Variants in OR6C1 observed in about 807,000 individuals in gnomAD.
OR6C1 encodes the protein olfactory receptor family 6 subfamily C member 1.
For missense variants in OR6C1, 386 were observed against 366.1 expected (o/e 1.05, Z -0.44); for synonymous variants, 157 against 133.3 (o/e 1.18, Z -1.22).
At chr12:55,316,124 CA>C (rs1868405613) in intron 1 of OR6C1, among the ~76,000 whole-genome samples, 2 of 136,238 alleles carry the variant, frequency 1.5e-5, no homozygotes, top group Middle Eastern at 3.3e-3. Context: ...CACACACACA[CA>C]CACACCCCCC....
At position 55,322,333 on chromosome 12, in the gene OR6C1, A is replaced by G. The variant is rs1868584219; in HGVS notation, c.*795A>G. On this transcript the variant is annotated 3_prime_UTR_variant, in exon 2 of 2. Coordinates refer to ENST00000642104, the MANE Select transcript of OR6C1 (RefSeq NM_001005182.2). ...ATCTTCTTAAATTTTAGACTAGTTT[A>G]AAACAGGATATGTATCCAAATTATT... 1 of 152,064 alleles carries G rather than the reference A, an allele frequency of 6.6e-6. No homozygotes were observed. The highest frequency in any genetic ancestry group is 1.5e-5 in the Non-Finnish European group (1 of 67,926). The allele number at this position is 152,064 out of a possible 1,614,324, so 9.4% of individuals were successfully genotyped here.
intron 1 of OR6C1, among the ~76,000 whole-genome samples, chr12:55,317,080 T>C (rs1451783998): frequency 1.3e-5 from 2 of 151,972 alleles, no homozygotes; most frequent in Non-Finnish European, 2.9e-5. Flanking sequence ...CATTGATACA[T>C]TATTCACTAT....
chr12:55,321,911 C>G lies in OR6C1; in HGVS notation c.*373C>G, dbSNP rs1868572135. On this transcript the variant is annotated 3_prime_UTR_variant, in exon 2 of 2. Transcript: ENST00000642104. ...TATAGTTTTATAATTTTAATTTATT[C>G]TTATAGAAATTCCCTTCACTATGCT... 1 of 153,730 alleles carries G rather than the reference C, an allele frequency of 6.5e-6. No individual in the cohort carries two copies. The highest frequency in any genetic ancestry group is 2.4e-5 in the African/African-American group (1 of 41,454). The allele number at this position is 153,730 out of a possible 1,614,324, so 9.5% of individuals were successfully genotyped here.
intron 1 of OR6C1, among the ~76,000 whole-genome samples, chr12:55,318,008 CATAA>C (rs1868441459): frequency 6.7e-6 from 1 of 148,740 alleles, no homozygotes; most frequent in Non-Finnish European, 1.5e-5. Flanking sequence ...TATACACACA[CATAA>C]ATACACACAC....
intron 1 of OR6C1, among the ~76,000 whole-genome samples, chr12:55,317,972 TATACACATATATATAC>T (rs1233434282): frequency 2.6e-4 from 38 of 148,554 alleles, no homozygotes; most frequent in African/African-American, 8.8e-4. Context: ...CACACACATA[TATACACATATATATAC>T]ATACACATAT....
chr12:55,316,315 A>C lies in OR6C1; in HGVS notation c.-34+1716A>C, dbSNP rs569317367. Among the ~76,000 whole-genome samples, 144 of 151,988 alleles carry C rather than the reference A, an allele frequency of 9.5e-4. 1 individual carries two copies. The highest frequency in any genetic ancestry group is 6.8e-3 in the Middle Eastern group (2 of 294). ...ATCGTTAATATTTACCTGATGGCAGAGCAAGATATAGGGTTGTTTCTAGAA... is the reference window on the plus strand; with the variant it reads ...ATCGTTAATATTTACCTGATGGCAGCGCAAGATATAGGGTTGTTTCTAGAA... On this transcript the variant is annotated intron_variant, in intron 1 of 1. Coordinates refer to ENST00000642104, the MANE Select transcript of OR6C1 (RefSeq NM_001005182.2).
rs1868564001 is a variant in OR6C1, at chr12:55,321,598, T to C, written c.*60T>C. The C allele has an allele frequency of 3.4e-6, 4 of 1,190,496 alleles. No homozygotes were observed. The highest frequency in any genetic ancestry group is 3.5e-6 in the Non-Finnish European group (3 of 849,672). 73.7% of individuals were successfully genotyped at this position (1,190,496 alleles called of 1,614,324 possible). On this transcript the variant is annotated 3_prime_UTR_variant, in exon 2 of 2. Transcript: ENST00000642104. ...AGGACAATATGAATTTTCAGTAGCT[T>C]CTTCAATCAAAATGGCCTCCTTGCA...
At chr12:55,314,647 T>C (rs2120436050) in intron 1 of OR6C1, 48 bp downstream of exon 1, 1 of 151,722 alleles carries the variant, frequency 6.6e-6, no homozygotes, top group Non-Finnish European at 1.5e-5. Flanking sequence ...AATCATAGCA[T>C]TGAATCATTA....
chr12:55,316,905 A>T (rs546999493), intron 1 of OR6C1, among the ~76,000 whole-genome samples: 85 of 151,994 alleles, frequency 5.6e-4, no homozygotes, highest in African/African-American at 2.0e-3. Flanking sequence ...ATAACAACTT[A>T]TATCTTCCCT....
In OR6C1 at chr12:55,321,712, T is replaced by C. The variant is rs1455777675; in HGVS notation, c.*174T>C. 1.2e-5 allele frequency: 5 copies of C among 432,358 alleles called. No individual in the cohort carries two copies. Among genetic ancestry groups the C allele is most frequent in the African/African-American group, 4.1e-5 (2 of 49,092 alleles). The allele number at this position is 432,358 out of a possible 1,614,324, so 26.8% of individuals were successfully genotyped here. ...TTTGACTTAAAATAATTTTCTTGTG[T>C]CTTCCTGACACCCCCTCCTTTGAAC... On this transcript the variant is annotated 3_prime_UTR_variant, in exon 2 of 2. Coordinates refer to ENST00000642104, the MANE Select transcript of OR6C1 (RefSeq NM_001005182.2).
At position 55,320,797 on chromosome 12, in the gene OR6C1, A is replaced by G; in HGVS notation, c.198A>G (p.Ile66Met). The G allele has an allele frequency of 1.2e-6, 2 of 1,613,792 alleles. No homozygotes were observed. Among genetic ancestry groups the G allele is most frequent in the African/African-American group, 1.3e-5 (1 of 75,014 alleles). ...PMYFFLRNFS[I>M]LEISFTTVSI... ...ATTTCTTCCTCAGAAATTTCTCCATATTAGAAATTTCGTTCACAACCGTCA... is the reference window on the plus strand; with the variant it reads ...ATTTCTTCCTCAGAAATTTCTCCATGTTAGAAATTTCGTTCACAACCGTCA... Residue 66 changes from isoleucine (I) to methionine (M), a missense_variant, in exon 2 of 2, where the codon ATA becomes ATG. Transcript: ENST00000642104.
intron 1 of OR6C1, among the ~76,000 whole-genome samples, chr12:55,315,810 A>AT (rs112915750): frequency 0.039 from 5,853 of 151,700 alleles, 391 homozygotes; most frequent in African/African-American, 0.13. Context: ...GTATTTCAGC[A>AT]TAATTATAAA....
chr12:55,321,442 C>A lies in OR6C1; in HGVS notation c.843C>A (p.Pro281=). The A allele has an allele frequency of 1.2e-6, 2 of 1,613,860 alleles. No homozygotes were observed. Among genetic ancestry groups the A allele is most frequent in the Non-Finnish European group, 1.7e-6 (2 of 1,179,844 alleles). Residue 281 remains proline, a synonymous_variant, in exon 2 of 2, where the codon CCC becomes CCA. Coordinates refer to ENST00000642104, the MANE Select transcript of OR6C1 (RefSeq NM_001005182.2). ...GVAILNTSVA[P]MMNPFIYSLR... Reference sequence around the variant, plus strand: ...CAATACTAAACACCTCAGTAGCCCCCATGATGAACCCCTTTATTTACAGCC... The same window carrying A: ...CAATACTAAACACCTCAGTAGCCCCAATGATGAACCCCTTTATTTACAGCC...
In OR6C1 at chr12:55,320,940, C is replaced by G. The variant is rs908150964; in HGVS notation, c.341C>G (p.Ala114Gly). The G allele has an allele frequency of 6.2e-7, 1 of 1,613,870 alleles. No individual in the cohort carries two copies. Among genetic ancestry groups the G allele is most frequent in the South Asian group, 1.1e-5 (1 of 91,074 alleles). ...GGAGTCACAGAGTTTTACCTTCTGGCTGCCATGTCCTATGACCGCTATGTG... is the reference window on the plus strand; with the variant it reads ...GGAGTCACAGAGTTTTACCTTCTGGGTGCCATGTCCTATGACCGCTATGTG... Reference protein sequence around the residue: ...LLGVTEFYLLAAMSYDRYVAI... With the variant: ...LLGVTEFYLLGAMSYDRYVAI... The change falls in exon 2 of 2, where the codon GCT (alanine) becomes GGT (glycine). Residue 114 changes from alanine to glycine, a missense_variant. By Grantham distance (60) the Ala-to-Gly change is moderately conservative (BLOSUM62 0). Transcript: ENST00000642104.
At chr12:55,317,990 TACACATATATACACACACATAAATACAC>T (rs1186208247) in intron 1 of OR6C1, among the ~76,000 whole-genome samples, 2 of 149,054 alleles carry the variant, frequency 1.3e-5, no homozygotes, top group South Asian at 2.1e-4. Flanking sequence ...TATATATACA[TACACATATATACACACACATAAATACAC>T]ACACATATAT....
At chr12:55,317,879 A>G (rs1055387227) in intron 1 of OR6C1, among the ~76,000 whole-genome samples, 10 of 149,024 alleles carry the variant, frequency 6.7e-5, no homozygotes, top group Admixed American at 1.4e-4. Flanking sequence ...GGATGTCATT[A>G]CAATGTATTA....
chr12:55,320,886 T>C lies in OR6C1; in HGVS notation c.287T>C (p.Ile96Thr), dbSNP rs755374326. Residue 96 changes from isoleucine to threonine, a missense_variant, in exon 2 of 2, where the codon ATA (isoleucine) becomes ACA (threonine). Ile to Thr is a moderately conservative substitution (Grantham distance 89). Coordinates refer to ENST00000642104, the MANE Select transcript of OR6C1 (RefSeq NM_001005182.2). ...GDKTISFNNC[I>T]VQLFFFILLG... is the part of the protein sequence containing the mutation. ...AAAACCATTTCCTTTAATAATTGCA[T>C]AGTTCAGTTATTTTTCTTCATTCTC... 4.3e-6 allele frequency: 7 copies of C among 1,613,880 alleles called. No individual in the cohort carries two copies. In the Admixed American group the frequency reaches 5.0e-5, roughly 12 times the overall value.
chr12:55,322,185 T>C lies in OR6C1; in HGVS notation c.*647T>C, dbSNP rs542767554. The C allele has an allele frequency of 6.6e-6, 1 of 152,094 alleles. No individual in the cohort carries two copies. The highest frequency in any genetic ancestry group is 6.6e-5 in the Admixed American group (1 of 15,266). 9.4% of individuals were successfully genotyped at this position (152,094 alleles called of 1,614,324 possible). A position where few individuals can be genotyped will look rare whatever the true frequency, so the allele number is the denominator to read the frequency against. ...GAATGACAGATGATGGATAGACACA[T>C]ATGCAAATACATACATAAGTTTTGT... On this transcript the variant is annotated 3_prime_UTR_variant, in exon 2 of 2. Coordinates refer to ENST00000642104, the MANE Select transcript of OR6C1 (RefSeq NM_001005182.2).
intron 1 of OR6C1, among the ~76,000 whole-genome samples, chr12:55,315,729 G>A (rs77089679): frequency 0.024 from 3,656 of 151,468 alleles, 141 homozygotes; most frequent in Admixed American, 0.079. Flanking sequence ...TTTCATTCAG[G>A]CCTACAGAAT....
Sources: gnomAD v4.1 joint callset for allele counts (sites outside exome capture counted in the v4.1 genomes callset) on GRCh38, gnomAD v4.1.1 for gene constraint, MANE v1.5 for transcripts, NCBI Gene and HGNC (gene_info 2026-07-23, HGNC 2026-07-21) for gene names.